Variants in SAMMSON observed in about 807,000 individuals in gnomAD.
SAMMSON encodes survival associated mitochondrial melanoma specific oncogenic non-coding RNA.
At chr3:70,151,958 T>A (rs980870286) in intron 4 of SAMMSON, among the ~76,000 whole-genome samples, 10 of 151,984 alleles carry the variant, frequency 6.6e-5, no homozygotes, top group Non-Finnish European at 1.5e-4. Context: ...ATCATATTAT[T>A]AAAAAATAGT....
intron 7 of SAMMSON, among the ~76,000 whole-genome samples, chr3:70,303,186 G>C (rs913688695): frequency 2.0e-5 from 3 of 152,086 alleles, no homozygotes; most frequent in African/African-American, 4.8e-5. Flanking sequence ...CTGGCTCTTA[G>C]AGTAGACATT....
chr3:70,239,527 G>C (rs1701644380), intron 4 of SAMMSON, among the ~76,000 whole-genome samples: 1 of 129,608 alleles, frequency 7.7e-6, no homozygotes, highest in Non-Finnish European at 1.9e-5. Flanking sequence ...TCACTTTCTA[G>C]GGAGTACATT....
chr3:70,252,832 C>T (rs1701781924), intron 6 of SAMMSON, among the ~76,000 whole-genome samples: 1 of 152,104 alleles, frequency 6.6e-6, no homozygotes, highest in South Asian at 2.1e-4. Flanking sequence ...GTAATCCCAG[C>T]ACTTTGGGAG....
At chr3:70,033,542 A>AAAACCGTATGAG (rs1370035233) in intron 3 of SAMMSON, among the ~76,000 whole-genome samples, 3 of 152,184 alleles carry the variant, frequency 2.0e-5, no homozygotes, top group African/African-American at 7.2e-5. Flanking sequence ...TTAGTCTTGA[A>AAAACCGTATGAG]AAACCGTATG....
intron 4 of SAMMSON, among the ~76,000 whole-genome samples, chr3:70,214,880 C>A (rs1344774665): frequency 6.6e-6 from 1 of 151,832 alleles, no homozygotes; most frequent in Non-Finnish European, 1.5e-5. Context: ...ATTATGTTAT[C>A]TGAGAAAAAA....
intron 4 of SAMMSON, among the ~76,000 whole-genome samples, chr3:70,089,454 A>G (rs1383095495): frequency 6.7e-6 from 1 of 148,196 alleles, no homozygotes; most frequent in Non-Finnish European, 1.5e-5. Flanking sequence ...CTTGGACGTA[A>G]TGAATTTAGG....
chr3:70,001,899 G>A (rs1356360055), intron 1 of SAMMSON, among the ~76,000 whole-genome samples: 1 of 152,168 alleles, frequency 6.6e-6, no homozygotes, highest in Non-Finnish European at 1.5e-5. Context: ...CTGCTCTCCA[G>A]GCTCCTGTCC....
intron 4 of SAMMSON, among the ~76,000 whole-genome samples, chr3:70,132,759 C>T (rs1032188162): frequency 5.2e-5 from 7 of 134,332 alleles, no homozygotes; most frequent in African/African-American, 1.7e-4. Context: ...CTGGGCAACA[C>T]GATGAGACCC....
chr3:70,267,373 G>A (rs1204039901), intron 6 of SAMMSON, among the ~76,000 whole-genome samples: 2 of 136,796 alleles, frequency 1.5e-5, no homozygotes, highest in African/African-American at 2.7e-5. Flanking sequence ...CTACTCTCTT[G>A]TACAGATTCT....
At chr3:70,043,639 G>T (rs553425250) in intron 3 of SAMMSON, among the ~76,000 whole-genome samples, 1 of 152,046 alleles carries the variant, frequency 6.6e-6, no homozygotes, top group Admixed American at 6.6e-5. Context: ...TCTGACCTGG[G>T]GTAGTTTTTA....
chr3:70,202,292 A>G (rs981576835), intron 4 of SAMMSON, among the ~76,000 whole-genome samples: 3 of 152,148 alleles, frequency 2.0e-5, no homozygotes, highest in Non-Finnish European at 2.9e-5. Context: ...GATAATGGTT[A>G]GTAACTAGTG....
intron 7 of SAMMSON, chr3:70,311,749 A>T (rs948263381): frequency 1.0e-5 from 4 of 384,258 alleles, no homozygotes; most frequent in African/African-American, 8.3e-5. Flanking sequence ...ATTTGAAAAA[A>T]AAAGAAAAGA....
At chr3:70,070,517 T>G (rs1309943232) in intron 3 of SAMMSON, among the ~76,000 whole-genome samples, 1 of 152,066 alleles carries the variant, frequency 6.6e-6, no homozygotes, top group East Asian at 1.9e-4. Context: ...ATCTTACTCT[T>G]TTAAAATAAT....
intron 1 of SAMMSON, among the ~76,000 whole-genome samples, chr3:70,003,605 G>A (rs1211518923): frequency 6.6e-5 from 10 of 151,740 alleles, no homozygotes. Context: ...ATTCTCTACT[G>A]ATTAATATGA....
chr3:70,211,527 TC>T, intron 4 of SAMMSON, among the ~76,000 whole-genome samples: 2 of 28,106 alleles, frequency 7.1e-5, no homozygotes, highest in African/African-American at 1.9e-4. Context: ...TCCCTTCCCT[TC>T]CCTTTGCCCT....
chr3:70,178,037 T>C (rs755840131), intron 4 of SAMMSON, among the ~76,000 whole-genome samples: 1 of 152,140 alleles, frequency 6.6e-6, no homozygotes, highest in Non-Finnish European at 1.5e-5. Flanking sequence ...TGCCGAGCGT[T>C]ATAGTTAGCA....
intron 2 of SAMMSON, among the ~76,000 whole-genome samples, chr3:70,418,673 G>A (rs1701284089): frequency 6.6e-6 from 1 of 152,044 alleles, no homozygotes; most frequent in Non-Finnish European, 1.5e-5. Context: ...CCAGCCACCT[G>A]CCCACTCCTC....
At chr3:70,186,309 A>G (rs1701091635) in intron 4 of SAMMSON, among the ~76,000 whole-genome samples, 1 of 150,614 alleles carries the variant, frequency 6.6e-6, no homozygotes, top group African/African-American at 2.4e-5. Flanking sequence ...CCTGGGCTCT[A>G]GTGCAGTGGC....
chr3:70,311,751 A>G (rs1351535038), intron 7 of SAMMSON: 1 of 384,948 alleles, frequency 2.6e-6, no homozygotes, highest in African/African-American at 2.1e-5. Context: ...TTGAAAAAAA[A>G]AGAAAAGAGT....
Sources: allele counts gnomAD v4.1 joint callset (sites outside exome capture counted in the v4.1 genomes callset), GRCh38; gene constraint gnomAD v4.1.1; transcripts MANE v1.5; gene names NCBI Gene and HGNC (gene_info 2026-07-23, HGNC 2026-07-21).